TBC1D22A: variants seen among roughly 807,000 people sequenced by gnomAD.
TBC1D22A encodes the protein TBC1 domain family member 22A, also known as putative GTPase activator.
A neutral mutation model predicts 60.2 loss-of-function variants in TBC1D22A; 38 were observed. The ratio of observed to expected loss-of-function variants is 0.63; its 90% CI spans 0.49 to 0.83. TBC1D22A has a LOEUF of 0.83. Ranked by LOEUF, TBC1D22A falls within the 40% of genes least tolerant of loss-of-function variation. The pLI, the probability that TBC1D22A is intolerant of heterozygous loss-of-function variation, is 0.00. For missense variants in TBC1D22A, 628 were observed against 701.0 expected, an observed-to-expected ratio of 0.90 and a Z score of 1.18; for synonymous variants, 302 against 281.7, an observed-to-expected ratio of 1.07 and a Z score of -0.72.
At chr22:46,798,740 CTCTAAGAGCCAGAGGTGCAACGCCTGGCT>C (rs2084766362) in intron 4 of TBC1D22A, among the ~76,000 whole-genome samples, 1 of 152,240 alleles carries the variant, frequency 6.6e-6, no homozygotes, top group Non-Finnish European at 1.5e-5. Flanking sequence ...CACTGTGGCA[CTCTAAGAGCCAGAGGTGCAACGCCTGGCT>C]TGGCCAGGAG....
chr22:46,996,990 C>CT (rs1163117667), intron 9 of TBC1D22A, among the ~76,000 whole-genome samples: 3 of 152,238 alleles, frequency 2.0e-5, no homozygotes, highest in Non-Finnish European at 4.4e-5. Flanking sequence ...CACACAGCTC[C>CT]TGAGTCCTAG....
intron 11 of TBC1D22A, among the ~76,000 whole-genome samples, chr22:47,101,725 C>T (rs999418046): frequency 6.6e-6 from 1 of 152,208 alleles, no homozygotes; most frequent in African/African-American, 2.4e-5. Context: ...GGTCACAGGA[C>T]AGTGGGGGCA....
intron 4 of TBC1D22A, among the ~76,000 whole-genome samples, chr22:46,858,319 A>C (rs1294740413): frequency 6.6e-6 from 1 of 152,086 alleles, no homozygotes; most frequent in Non-Finnish European, 1.5e-5. Flanking sequence ...TAATTGGGTT[A>C]CTCATCTTTT....
chr22:47,030,205 C>T (rs923079567), intron 10 of TBC1D22A, among the ~76,000 whole-genome samples: 17 of 152,166 alleles, frequency 1.1e-4, no homozygotes, highest in Admixed American at 2.6e-4. Context: ...CCAGCCAAAG[C>T]GTGATGTATT....
chr22:46,881,833 G>T (rs1217399752), intron 5 of TBC1D22A, among the ~76,000 whole-genome samples: 1 of 152,218 alleles, frequency 6.6e-6, no homozygotes, highest in Non-Finnish European at 1.5e-5. Flanking sequence ...CCCTGTGTTG[G>T]TGAGCACTGA....
At chr22:47,064,666 C>T (rs568580376) in intron 11 of TBC1D22A, among the ~76,000 whole-genome samples, 4 of 152,196 alleles carry the variant, frequency 2.6e-5, no homozygotes, top group Non-Finnish European at 4.4e-5. Flanking sequence ...TCGCCATCAC[C>T]GTAACGCAGG....
At chr22:47,091,538 CT>C (rs1466018617) in intron 11 of TBC1D22A, among the ~76,000 whole-genome samples, 2 of 130,396 alleles carry the variant, frequency 1.5e-5, no homozygotes, top group Non-Finnish European at 3.2e-5. Flanking sequence ...GAGAAGTCGT[CT>C]TTGGGGGGGT....
intron 11 of TBC1D22A, among the ~76,000 whole-genome samples, chr22:47,091,549 T>A (rs911352863): frequency 1.3e-4 from 9 of 67,340 alleles, no homozygotes; most frequent in African/African-American, 1.8e-4. Flanking sequence ...TTTGGGGGGG[T>A]GTGGCCTTGC....
At chr22:46,789,297 T>C in intron 1 of TBC1D22A, 1 of 390,820 alleles carries the variant, frequency 2.6e-6, no homozygotes, top group Non-Finnish European at 5.3e-6. Flanking sequence ...GGCTAATTTT[T>C]TGTATTTTTC....
intron 8 of TBC1D22A, among the ~76,000 whole-genome samples, chr22:46,960,302 C>G (rs2073426436): frequency 1.3e-5 from 2 of 151,678 alleles, no homozygotes; most frequent in Admixed American, 1.3e-4. Flanking sequence ...TGCTCTGTTG[C>G]CCAGGCTGGA....
chr22:46,822,349 C>T (rs1050938396), intron 4 of TBC1D22A, among the ~76,000 whole-genome samples: 7 of 152,064 alleles, frequency 4.6e-5, no homozygotes, highest in Non-Finnish European at 8.8e-5. Flanking sequence ...AGCATTTTTT[C>T]GTTGATTCTT....
At chr22:46,907,008 TTC>T (rs1163773866) in intron 7 of TBC1D22A, among the ~76,000 whole-genome samples, 2 of 151,980 alleles carry the variant, frequency 1.3e-5, no homozygotes, top group African/African-American at 4.8e-5. Context: ...ACACGGGCTT[TTC>T]TCTGTGTGCA....
At chr22:46,833,880 A>G (rs1489756951) in intron 4 of TBC1D22A, among the ~76,000 whole-genome samples, 5 of 152,248 alleles carry the variant, frequency 3.3e-5, no homozygotes, top group African/African-American at 1.2e-4. Context: ...TGAAGCAACC[A>G]TAGGCCAGGG....
In TBC1D22A at chr22:46,949,060, T is replaced by A. The variant is rs532416497; in HGVS notation, c.1016-25230T>A. 2.6e-5 allele frequency among the ~76,000 whole-genome samples: 4 copies of A among 152,298 alleles called. No individual in the cohort carries two copies. In the South Asian group the frequency reaches 8.3e-4, roughly 32 times the overall value. The stretch of plus-strand genomic sequence containing the variant: ...AGTGAGGGTCACTCATTTCATCTGA[T>A]GTTGGGAAGAAATGACAGTCTGACC... On this transcript the variant is annotated intron_variant, in intron 8 of 12. Coordinates refer to ENST00000337137, the MANE Select transcript of TBC1D22A (RefSeq NM_014346.5).
intron 11 of TBC1D22A, among the ~76,000 whole-genome samples, chr22:47,095,830 G>C (rs1603263243): frequency 6.6e-6 from 1 of 152,248 alleles, no homozygotes; most frequent in East Asian, 1.9e-4. Flanking sequence ...CCCAGTGAGG[G>C]GATGCTGAGC....
intron 4 of TBC1D22A, among the ~76,000 whole-genome samples, chr22:46,799,220 A>G (rs2084793329): frequency 6.6e-6 from 1 of 152,106 alleles, no homozygotes; most frequent in Admixed American, 6.5e-5. Context: ...ATGCAATTCA[A>G]ACTTGCAGAA....
At chr22:46,996,674 C>T (rs1297675331) in intron 9 of TBC1D22A, among the ~76,000 whole-genome samples, 2 of 152,090 alleles carry the variant, frequency 1.3e-5, no homozygotes, top group Non-Finnish European at 2.9e-5. Context: ...TCTGAAAATG[C>T]CCCCGACCAC....
chr22:46,970,651 C>G (rs1455074945), intron 8 of TBC1D22A, among the ~76,000 whole-genome samples: 2 of 152,218 alleles, frequency 1.3e-5, no homozygotes, highest in African/African-American at 4.8e-5. Context: ...GGCAGCATGC[C>G]TGGCGGACAG....
intron 12 of TBC1D22A, among the ~76,000 whole-genome samples, chr22:47,159,639 C>T (rs2067889908): frequency 6.6e-6 from 1 of 151,782 alleles, no homozygotes; most frequent in Non-Finnish European, 1.5e-5. Context: ...CACACATGCA[C>T]CACATACCAC....
Sources: gnomAD v4.1 joint callset for allele counts (sites outside exome capture counted in the v4.1 genomes callset) on GRCh38, gnomAD v4.1.1 for gene constraint, MANE v1.5 for transcripts, NCBI Gene and HGNC (gene_info 2026-07-23, HGNC 2026-07-21) for gene names.